The following TTC28 variants were observed in gnomAD, a reference collection of about 807,000 sequenced individuals.
The protein encoded by TTC28 is tetratricopeptide repeat protein 28.
TTC28 carries 61 observed loss-of-function variants against 198.0 expected under a neutral mutation model. The observed-to-expected ratio is 0.31, with a 90% confidence interval of 0.25 to 0.38. The LOEUF (loss-of-function observed/expected upper bound fraction) is 0.38, where lower values mean the gene tolerates loss of function less well. TTC28 is among the 10% of genes least tolerant of loss of function. The probability of loss-of-function intolerance (pLI) is 1.00; values close to 1 mark genes in which losing one functional copy is unlikely to be tolerated. For synonymous variants in TTC28, 1,171 were observed against 1,297.8 expected (o/e 0.90, Z 2.10); for missense variants, 2,678 against 3,164.0 (o/e 0.85, Z 3.69).
At chr22:28,233,642 G>C (rs1452038605) in intron 5 of TTC28, among the ~76,000 whole-genome samples, 1 of 152,178 alleles carries the variant, frequency 6.6e-6, no homozygotes, top group Non-Finnish European at 1.5e-5. Flanking sequence ...TATTGTATTT[G>C]TTACAAGAGC....
chr22:28,636,531 G>A (rs1035318821), intron 1 of TTC28, among the ~76,000 whole-genome samples: 4 of 152,048 alleles, frequency 2.6e-5, no homozygotes, highest in African/African-American at 9.7e-5. Context: ...CTGTATACAT[G>A]GAAGTGCAGA....
chr22:28,172,014 T>C (rs1922731021), intron 5 of TTC28, among the ~76,000 whole-genome samples: 1 of 152,110 alleles, frequency 6.6e-6, no homozygotes, highest in Admixed American at 6.6e-5. Context: ...GCCTAGAGAC[T>C]CAGCCTCTTT....
At chr22:28,104,954 C>T (rs1248579220) in intron 8 of TTC28, among the ~76,000 whole-genome samples, 1 of 152,172 alleles carries the variant, frequency 6.6e-6, no homozygotes, top group Non-Finnish European at 1.5e-5. Context: ...GCTGCTCATT[C>T]CTCAGAGGGT....
At chr22:28,582,866 G>A (rs993303090) in intron 2 of TTC28, among the ~76,000 whole-genome samples, 15 of 152,156 alleles carry the variant, frequency 9.9e-5, no homozygotes, top group Admixed American at 9.2e-4. Context: ...TCAGTATAAT[G>A]GGGGTTCCTA....
intron 5 of TTC28, among the ~76,000 whole-genome samples, chr22:28,185,293 C>T (rs948676533): frequency 2.0e-5 from 3 of 151,928 alleles, no homozygotes; most frequent in Non-Finnish European, 4.4e-5. Context: ...GTTCTTCTAC[C>T]CGCTGCTCTC....
intron 5 of TTC28, among the ~76,000 whole-genome samples, chr22:28,252,288 C>A (rs1436061732): frequency 6.6e-6 from 1 of 152,190 alleles, no homozygotes; most frequent in African/African-American, 2.4e-5. Context: ...AAAATGAAGT[C>A]TCTCTAATCA....
chr22:28,140,260 G>A (rs565372711), intron 6 of TTC28, among the ~76,000 whole-genome samples: 1 of 152,290 alleles, frequency 6.6e-6, no homozygotes, highest in African/African-American at 2.4e-5. Flanking sequence ...ACAGAGGTAT[G>A]TGCTGTATTG....
At chr22:28,394,352 T>C (rs1020999502) in intron 2 of TTC28, among the ~76,000 whole-genome samples, 3 of 152,222 alleles carry the variant, frequency 2.0e-5, no homozygotes, top group African/African-American at 7.2e-5. Flanking sequence ...ACTTAAAAGT[T>C]TAATGGAATC....
chr22:28,465,366 C>T (rs536387713), intron 2 of TTC28, among the ~76,000 whole-genome samples: 3 of 152,246 alleles, frequency 2.0e-5, no homozygotes, highest in South Asian at 2.1e-4. Flanking sequence ...TGGCTCACTC[C>T]TGTAATCCTA....
intron 16 of TTC28, 94 bp downstream of exon 16, chr22:27,998,446 C>T: frequency 6.9e-7 from 1 of 1,458,938 alleles, no homozygotes; most frequent in Non-Finnish European, 9.0e-7. Context: ...GCCCTGCCCT[C>T]CCCTCCCCAA....
At chr22:28,619,340 G>A (rs572055834) in intron 2 of TTC28, among the ~76,000 whole-genome samples, 2 of 152,352 alleles carry the variant, frequency 1.3e-5, no homozygotes, top group African/African-American at 4.8e-5. Flanking sequence ...TGGAAGCTTA[G>A]GGAGGTATAG....
At position 27,993,291 on chromosome 22, in the gene TTC28, C is replaced by T; in HGVS notation, c.5472G>A (p.Leu1824=). 2 of 1,530,820 alleles carry T rather than the reference C, an allele frequency of 1.3e-6. No individual in the cohort carries two copies. The highest frequency in any genetic ancestry group is 1.8e-6 in the Non-Finnish European group (2 of 1,138,012). 94.8% of individuals were successfully genotyped at this position (1,530,820 alleles called of 1,614,324 possible). ...AGCCCTACACCCACAGCTCACCCAG[C>T]AGGGACTGGAGTGTGCTGCTGCACT... ...LQQCSSTLQS[L]LGLPNPALQA... is the part of the protein sequence containing the mutation. Residue 1824 remains leucine (L), a synonymous_variant, in exon 18 of 23, where the codon CTG becomes CTA. Coordinates refer to ENST00000397906, the MANE Select transcript of TTC28 (RefSeq NM_001145418.2).
At chr22:28,582,597 G>C (rs1026046865) in intron 2 of TTC28, among the ~76,000 whole-genome samples, 2 of 151,936 alleles carry the variant, frequency 1.3e-5, no homozygotes, top group Non-Finnish European at 2.9e-5. Context: ...AACATGACTA[G>C]AAAACTAACG....
At chr22:27,990,220 G>A (rs1227077920) in intron 20 of TTC28, 1 of 599,612 alleles carries the variant, frequency 1.7e-6, no homozygotes, top group Non-Finnish European at 2.6e-6. Flanking sequence ...GCAAGAGGCT[G>A]TGTGGCCTCC....
chr22:28,220,659 C>G (rs950725019), intron 5 of TTC28, among the ~76,000 whole-genome samples: 5 of 152,182 alleles, frequency 3.3e-5, no homozygotes, highest in Admixed American at 3.3e-4. Context: ...ATGAGGGCTA[C>G]AATCTTACAT....
At chr22:28,613,713 A>G (rs1299178213) in intron 2 of TTC28, among the ~76,000 whole-genome samples, 1 of 152,248 alleles carries the variant, frequency 6.6e-6, no homozygotes, top group African/African-American at 2.4e-5. Flanking sequence ...ATCTCAATAG[A>G]TGCAGGAAAG....
At chr22:28,063,849 A>G (rs1470464618) in intron 12 of TTC28, among the ~76,000 whole-genome samples, 2 of 152,028 alleles carry the variant, frequency 1.3e-5, no homozygotes, top group African/African-American at 2.4e-5. Context: ...CTAGCATGTG[A>G]GGGAATGGAG....
intron 5 of TTC28, among the ~76,000 whole-genome samples, chr22:28,268,579 A>G (rs1338465944): frequency 6.6e-6 from 1 of 152,224 alleles, no homozygotes; most frequent in East Asian, 1.9e-4. Flanking sequence ...TAGTTTGAAA[A>G]TATCTGATTC....
intron 2 of TTC28, among the ~76,000 whole-genome samples, chr22:28,623,256 C>G (rs992295428): frequency 7.2e-5 from 11 of 151,978 alleles, no homozygotes. Flanking sequence ...CCAGGTCAGA[C>G]AAAATAGTTT....
Sources: allele counts gnomAD v4.1 joint callset (sites outside exome capture counted in the v4.1 genomes callset), GRCh38; gene constraint gnomAD v4.1.1; transcripts MANE v1.5; gene names NCBI Gene and HGNC (gene_info 2026-07-23, HGNC 2026-07-21).